Variants in CCDC178 observed in about 807,000 individuals in gnomAD.
CCDC178 encodes coiled-coil domain containing 178.
A neutral mutation model predicts 117.4 loss-of-function variants in CCDC178; 126 were observed. The ratio of observed to expected loss-of-function variants is 1.07; its 90% confidence interval spans 0.93 to 1.24. CCDC178 has a LOEUF of 1.24. Ranked by LOEUF, CCDC178 falls within the 50% of genes most tolerant of loss-of-function variation. The pLI is 0.00. For synonymous variants in CCDC178, 283 were observed against 313.4 expected, an observed-to-expected ratio of 0.90 and a Z score of 1.02; for missense variants, 1,030 against 986.9, an observed-to-expected ratio of 1.04 and a Z score of -0.59.
chr18:32,939,768 T>C (rs2054197466), intron 22 of CCDC178, among the ~76,000 whole-genome samples: 2 of 152,122 alleles, frequency 1.3e-5, no homozygotes, highest in African/African-American at 4.8e-5. Context: ...GGATTCAGCA[T>C]CCATGAGTTC....
intron 21 of CCDC178, among the ~76,000 whole-genome samples, chr18:33,050,037 T>C (rs1314656327): frequency 6.6e-6 from 1 of 152,078 alleles, no homozygotes. Flanking sequence ...TCTGAGATCC[T>C]GCCACTGCAC....
chr18:33,308,655 G>T (rs1200179207), intron 11 of CCDC178, among the ~76,000 whole-genome samples: 1 of 152,196 alleles, frequency 6.6e-6, no homozygotes, highest in Non-Finnish European at 1.5e-5. Flanking sequence ...ATCTTGAATT[G>T]TAGTTCTGAC....
rs187943833 is a variant in CCDC178 at position 33,380,565 on chromosome 18, T to G, written c.208+8975A>C. The stretch of plus-strand genomic sequence containing the variant: ...ACAAAGTGTGCTCCTTCAGCCTGGG[T>G]TGCTCAGATCCCTAGTGGAAAGGTA... On this transcript the variant is annotated intron_variant, in intron 5 of 22. Transcript: ENST00000383096. 1.8e-4 allele frequency among the ~76,000 whole-genome samples: 28 copies of G among 152,282 alleles called. No individual in the cohort carries two copies. In the East Asian group the frequency reaches 5.2e-3, roughly 28 times the overall value.
chr18:33,383,335 G>C (rs1392329155), intron 5 of CCDC178, among the ~76,000 whole-genome samples: 1 of 152,084 alleles, frequency 6.6e-6, no homozygotes, highest in Non-Finnish European at 1.5e-5. Context: ...TGACAAGGGG[G>C]ATTCCCCCAA....
chr18:33,429,111 G>A (rs2064169577), intron 2 of CCDC178, among the ~76,000 whole-genome samples: 1 of 151,824 alleles, frequency 6.6e-6, no homozygotes, highest in African/African-American at 2.4e-5. Flanking sequence ...TTAGAGCTAT[G>A]ACTTCATAAA....
At chr18:33,213,398 A>C (rs893766472) in intron 19 of CCDC178, among the ~76,000 whole-genome samples, 5 of 151,944 alleles carry the variant, frequency 3.3e-5, no homozygotes, top group Non-Finnish European at 7.4e-5. Context: ...TTTCCTCTAC[A>C]TCATTCATAC....
intron 21 of CCDC178, among the ~76,000 whole-genome samples, chr18:33,010,394 G>T (rs8091021): frequency 6.2e-4 from 94 of 152,264 alleles, no homozygotes; most frequent in African/African-American, 2.2e-3. Context: ...CATTGTCAAA[G>T]CACTGTAGTG....
At chr18:33,425,524 TA>T (rs1427106960) in intron 2 of CCDC178, among the ~76,000 whole-genome samples, 1 of 152,210 alleles carries the variant, frequency 6.6e-6, no homozygotes, top group Admixed American at 6.5e-5. Context: ...CTGAGTTTTA[TA>T]ATATAAAGCT....
intron 20 of CCDC178, among the ~76,000 whole-genome samples, chr18:33,188,847 T>C (rs534109417): frequency 6.6e-6 from 1 of 152,298 alleles, no homozygotes; most frequent in South Asian, 2.1e-4. Flanking sequence ...TGTGGAAATA[T>C]GTTATGGCAG....
chr18:33,235,843 A>G (rs1312364539), intron 15 of CCDC178, among the ~76,000 whole-genome samples: 3 of 152,304 alleles, frequency 2.0e-5, no homozygotes, highest in African/African-American at 7.2e-5. Context: ...AATTGAATAC[A>G]TATTACTATT....
At chr18:33,195,428 A>G (rs965012863) in intron 20 of CCDC178, among the ~76,000 whole-genome samples, 1 of 152,158 alleles carries the variant, frequency 6.6e-6, no homozygotes, top group Non-Finnish European at 1.5e-5. Flanking sequence ...AGAAAGAATC[A>G]GCCTTTTATA....
chr18:33,161,495 C>T lies in CCDC178; in HGVS notation c.2238+50401G>A, dbSNP rs578038585. ...AATCTCTCCTTTACTGACAGCCTTC[C>T]TATTCATATTTTATAGATATATATT... is the stretch of plus-strand genomic sequence containing the variant. On this transcript the variant is annotated intron_variant, in intron 20 of 22. Transcript: ENST00000383096. Among the ~76,000 whole-genome samples the T allele has an allele frequency of 2.8e-4, 43 of 152,262 alleles. 3 individuals are homozygous for T. In the South Asian group the frequency reaches 8.7e-3, roughly 31 times the overall value.
At chr18:33,123,455 A>C (rs1299661275) in intron 20 of CCDC178, among the ~76,000 whole-genome samples, 1 of 152,138 alleles carries the variant, frequency 6.6e-6, no homozygotes, top group Non-Finnish European at 1.5e-5. Flanking sequence ...TGAACTACAG[A>C]CTCTCTTACT....
At chr18:33,261,120 G>A (rs2144747008) in intron 14 of CCDC178, among the ~76,000 whole-genome samples, 1 of 151,300 alleles carries the variant, frequency 6.6e-6, no homozygotes, top group African/African-American at 2.4e-5. Context: ...GTCTCGCTCT[G>A]TCGCCCAGGC....
chr18:33,112,462 T>C (rs1334998855), intron 20 of CCDC178, among the ~76,000 whole-genome samples: 1 of 151,954 alleles, frequency 6.6e-6, no homozygotes, highest in East Asian at 1.9e-4. Context: ...TTAAAAGATT[T>C]CGTCTAAAAA....
chr18:33,296,037 G>A lies in CCDC178; in HGVS notation c.1023-2725C>T, dbSNP rs201530378. 9.9e-5 allele frequency among the ~76,000 whole-genome samples: 15 copies of A among 152,142 alleles called. No homozygotes were observed. In the East Asian group the frequency reaches 2.9e-3, roughly 29 times the overall value. ...GCAAATAACTGAAAACAAACTAAAT[G>A]TCCCTCAAAGGGCAGATAGTTTCAA... On this transcript the variant is annotated intron_variant, in intron 11 of 22. Coordinates refer to ENST00000383096, the MANE Select transcript of CCDC178 (RefSeq NM_001105528.4).
chr18:33,152,980 G>GA (rs1334650476), intron 20 of CCDC178, among the ~76,000 whole-genome samples: 1 of 144,112 alleles, frequency 6.9e-6, no homozygotes, highest in East Asian at 2.1e-4. Flanking sequence ...CACTGTCGAA[G>GA]AAAAAACACA....
At chr18:33,108,934 C>T (rs979565011) in intron 20 of CCDC178, among the ~76,000 whole-genome samples, 11 of 151,638 alleles carry the variant, frequency 7.3e-5, no homozygotes, top group African/African-American at 2.7e-4. Flanking sequence ...GATATCCCCT[C>T]CAGTTATCAA....
At chr18:33,366,128 G>A (rs969486722) in intron 6 of CCDC178, among the ~76,000 whole-genome samples, 43 of 152,010 alleles carry the variant, frequency 2.8e-4, no homozygotes, top group African/African-American at 8.2e-4. Context: ...TTCAGTGTAC[G>A]TTATACCCAG....
Sources: gnomAD v4.1 joint callset for allele counts (sites outside exome capture counted in the v4.1 genomes callset) on GRCh38, gnomAD v4.1.1 for gene constraint, MANE v1.5 for transcripts, NCBI Gene and HGNC (gene_info 2026-07-23, HGNC 2026-07-21) for gene names.